Variants in NBEAL2 observed in about 807,000 individuals in gnomAD.
NBEAL2 encodes the protein neurobeachin like 2, also known as neurobeachin-like protein 2.
NBEAL2 carries 160 observed loss-of-function variants against 299.8 expected under a neutral mutation model. The observed-to-expected ratio is 0.53, with a 90% CI of 0.47 to 0.61. The LOEUF (loss-of-function observed/expected upper bound fraction) is 0.61. NBEAL2 is among the 20% of genes least tolerant of loss of function. The pLI, the probability that NBEAL2 is intolerant of heterozygous loss-of-function variation, is 0.00. For synonymous variants in NBEAL2, 1,493 were observed against 1,542.3 expected (o/e 0.97, Z 0.75); for missense variants, 3,112 against 3,649.0 (o/e 0.85, Z 3.79).
intron 12 of NBEAL2, among the ~76,000 whole-genome samples, chr3:46,994,827 G>A (rs560223044): frequency 6.6e-6 from 1 of 152,304 alleles, no homozygotes; most frequent in African/African-American, 2.4e-5. Context: ...TAAGGTTGAG[G>A]GATTAACAAT....
intron 33 of NBEAL2, 39 bp downstream of exon 33, chr3:47,002,841 G>C (rs1269822755): frequency 6.5e-7 from 1 of 1,547,706 alleles, no homozygotes; most frequent in Non-Finnish European, 8.7e-7. Context: ...TGGAGGGGTG[G>C]GGCTTGGGAG....
chr3:47,002,491 G>A lies in NBEAL2; in HGVS notation c.5272G>A (p.Glu1758Lys), dbSNP rs1373784484. Residue 1758 changes from glutamate to lysine, a missense_variant, in exon 32 of 54, where the codon GAG (glutamate) becomes AAG (lysine). Glu to Lys is a moderately conservative substitution (Grantham distance 56, BLOSUM62 1). This residue lies in a region of NBEAL2 where 2,243 missense variants were observed against 2,538.1 expected (regional missense o/e 0.88). Transcript: ENST00000450053. ...GAGCAGTGGGCAGCGGCGCCAGTGG[G>A]AGCGCGCCCAGAGTCGTCGGGCCTT... ...LMSSGQRRQW[E>K]RAQSRRAFQE... 1 of 1,612,852 alleles carries A rather than the reference G, an allele frequency of 6.2e-7. No homozygotes were observed. The highest frequency in any genetic ancestry group is 8.5e-7 in the Non-Finnish European group (1 of 1,179,886).
rs2037230747 is a variant in NBEAL2, at chr3:47,004,030, G to A, written c.5882-47G>A. 1 of 1,606,272 alleles carries A rather than the reference G, an allele frequency of 6.2e-7. No individual in the cohort carries two copies. Among genetic ancestry groups the A allele is most frequent in the African/African-American group, 1.3e-5 (1 of 74,770 alleles). ...ATGGCAGGGAATGGCTGAGCTCTGG[G>A]TGGGGCTGGGGTGAGTGACTCCCGT... On this transcript the variant is annotated intron_variant, in intron 36 of 53. Transcript: ENST00000450053. This position sits in a 1 kb window ranked among gnomAD's most constrained non-coding sequence, Gnocchi z 5.0.
At position 46,982,460 on chromosome 3, in the gene NBEAL2, G is replaced by A. The variant is rs576347521; in HGVS notation, c.51+2548G>A. Among the ~76,000 whole-genome samples the A allele has an allele frequency of 1.4e-4, 22 of 152,260 alleles. No individual in the cohort carries two copies. Among genetic ancestry groups the A allele is most frequent in the African/African-American group, 4.6e-4 (19 of 41,534 alleles). On this transcript the variant is annotated intron_variant, in intron 1 of 53. Coordinates refer to ENST00000450053, the MANE Select transcript of NBEAL2 (RefSeq NM_015175.3). This position sits in a 1 kb window ranked among gnomAD's most constrained non-coding sequence, Gnocchi z 4.2. ...CCCACCCCCTCCCCCTGGGGGCCCGGCTCAACTGGGGGCCTCATAGTGAGG... is the reference window on the plus strand; with the variant it reads ...CCCACCCCCTCCCCCTGGGGGCCCGACTCAACTGGGGGCCTCATAGTGAGG...
rs534264261 is a variant in NBEAL2, at chr3:47,007,813, C to T, written c.7508-3C>T. 5 of 1,612,960 alleles carry T rather than the reference C, an allele frequency of 3.1e-6. No individual in the cohort carries two copies. Among genetic ancestry groups the T allele is most frequent in the East Asian group, 2.2e-5 (1 of 44,878 alleles). ...CTGCCTGTACCCTCCCCTTCCCATGCAGATGTAGTAACCTGCCTTGCACTG... is the reference window on the plus strand; with the variant it reads ...CTGCCTGTACCCTCCCCTTCCCATGTAGATGTAGTAACCTGCCTTGCACTG... On this transcript the variant is annotated splice_region_variant and splice_polypyrimidine_tract_variant and intron_variant, in intron 48 of 53. Transcript: ENST00000450053.
Position 47,009,408 on chromosome 3 carries a change from TG to T in NBEAL2, c.*91del. 8.0e-7 allele frequency: 1 copy of T among 1,256,892 alleles called. No homozygotes were observed. The allele number at this position is 1,256,892 out of a possible 1,614,324, so 77.9% of individuals were successfully genotyped here. On this transcript the variant is annotated 3_prime_UTR_variant, in exon 54 of 54. Coordinates refer to ENST00000450053, the MANE Select transcript of NBEAL2 (RefSeq NM_015175.3). The stretch of plus-strand genomic sequence containing the variant: ...AGAAGTCGGCGGGAACACCCCGGGG[TG>T]GGCAGCCCAGGGGGGTGAGCGGGGC...
At position 46,989,507 on chromosome 3, in the gene NBEAL2, C is replaced by A. The variant is rs375726193; in HGVS notation, c.474-4C>A. 5.2e-5 allele frequency: 82 copies of A among 1,587,738 alleles called. No individual in the cohort carries two copies. The African/African-American group carries it at 9.6e-4, about 19-fold the overall frequency. On this transcript the variant is annotated splice_region_variant and splice_polypyrimidine_tract_variant and intron_variant, in intron 5 of 53. Coordinates refer to ENST00000450053, the MANE Select transcript of NBEAL2 (RefSeq NM_015175.3). This position sits in a 1 kb window ranked among gnomAD's most constrained non-coding sequence, Gnocchi z 5.5. The stretch of plus-strand genomic sequence containing the variant: ...GCTGATGTACTTGGCCTCACTGCCC[C>A]CAGGGAAGTCATCAGCTCCAAGGAG...
At chr3:46,994,069 AC>A in intron 11 of NBEAL2, 49 bp downstream of exon 11, 1 of 1,531,608 alleles carries the variant, frequency 6.5e-7, no homozygotes, top group Non-Finnish European at 8.9e-7. Context: ...GTGGAGTTCA[AC>A]TGACCATATC....
In NBEAL2 at chr3:46,991,738, G is replaced by A; in HGVS notation, c.925+50G>A. 6.4e-7 allele frequency: 1 copy of A among 1,573,078 alleles called. No homozygotes were observed. The highest frequency in any genetic ancestry group is 8.6e-7 in the Non-Finnish European group (1 of 1,160,964). ...GGGGAAGGGGCACCATGAGGGAAAA[G>A]CCTAAGTGATGATGGAAGGTCTGGA... On this transcript the variant is annotated intron_variant, in intron 8 of 53. Transcript: ENST00000450053. This position sits in a 1 kb window ranked among gnomAD's most constrained non-coding sequence, Gnocchi z 6.2.
In NBEAL2 at chr3:46,988,181, G is replaced by T; in HGVS notation, c.52-488G>T. ...TGTCTAATGGTACACGTGTGTCCTGGGATCCACAGTTAAAGAAGGCTACTG... is the reference window on the plus strand; with the variant it reads ...TGTCTAATGGTACACGTGTGTCCTGTGATCCACAGTTAAAGAAGGCTACTG... On this transcript the variant is annotated intron_variant, in intron 1 of 53. Coordinates refer to ENST00000450053, the MANE Select transcript of NBEAL2 (RefSeq NM_015175.3). The surrounding 1 kb of genome is among the most constrained non-coding windows in gnomAD (Gnocchi z 4.4). 2 of 827,754 alleles carry T rather than the reference G, an allele frequency of 2.4e-6. No individual in the cohort carries two copies. Among genetic ancestry groups the T allele is most frequent in the South Asian group, 3.7e-5 (2 of 54,134 alleles). 51.3% of individuals were successfully genotyped at this position (827,754 alleles called of 1,614,324 possible).
intron 9 of NBEAL2, among the ~76,000 whole-genome samples, chr3:46,992,168 C>G (rs369274841): frequency 1.3e-5 from 2 of 152,126 alleles, no homozygotes; most frequent in East Asian, 3.9e-4. Flanking sequence ...CATCTTTGTG[C>G]CCCATGGAAG....
chr3:47,000,075 G>C lies in NBEAL2; in HGVS notation c.3976G>C (p.Ala1326Pro), dbSNP rs2036852288. The C allele has an allele frequency of 6.2e-7, 1 of 1,613,206 alleles. No individual in the cohort carries two copies. ...ACCCAAGCCACCCACTGAGTCACCT[G>C]CTGAGCCTTCAGATGTCTTCCTGCC... ...APPKPPTESP[A>P]EPSDVFLPSE... The change falls in exon 27 of 54, where the codon GCT (alanine) becomes CCT (proline). Residue 1326 changes from alanine to proline, a missense_variant. Coordinates refer to ENST00000450053, the MANE Select transcript of NBEAL2 (RefSeq NM_015175.3). The surrounding 1 kb of genome is among the most constrained non-coding windows in gnomAD (Gnocchi z 4.5).
rs1318534559 is a variant in NBEAL2, at chr3:46,998,872, ACGGT to A, written c.3379_3382del (p.Gly1127ArgfsTer39). On this transcript the variant is annotated frameshift_variant, in exon 23 of 54. Transcript: ENST00000450053. LOFTEE classifies it high-confidence loss of function. ...AGCTTTTTGGCGGCCACAGGCGATG[ACGGT>A]CAGGTAGGCTGGAGGTTGGGGAGCG... is the stretch of plus-strand genomic sequence containing the variant. 6.3e-7 allele frequency: 1 copy of A among 1,591,858 alleles called. No homozygotes were observed. The highest frequency in any genetic ancestry group is 1.3e-5 in the African/African-American group (1 of 74,578).
At position 47,008,189 on chromosome 3, in the gene NBEAL2, G is replaced by C; in HGVS notation, c.7719+3G>C. On this transcript the variant is annotated splice_donor_region_variant and intron_variant, in intron 50 of 53. Coordinates refer to ENST00000450053, the MANE Select transcript of NBEAL2 (RefSeq NM_015175.3). ...ACATGGCTGTGTCTGGATCTGAGGT[G>C]TGTGTATGCATGTGCCCTGGGGAGG... 6.2e-7 allele frequency: 1 copy of C among 1,613,970 alleles called. No homozygotes were observed. The highest frequency in any genetic ancestry group is 8.5e-7 in the Non-Finnish European group (1 of 1,179,866).
chr3:47,004,328 C>G lies in NBEAL2; in HGVS notation c.6133C>G (p.Pro2045Ala). The change falls in exon 37 of 54, where the codon CCC becomes GCC. Residue 2045 changes from proline (P) to alanine (A), a missense_variant. Pro to Ala is a conservative substitution (Grantham distance 27). Around this residue, in one of 3 missense-constraint regions of NBEAL2, gnomAD observed 521 missense variants for 729.6 expected, o/e 0.71. Coordinates refer to ENST00000450053, the MANE Select transcript of NBEAL2 (RefSeq NM_015175.3). The surrounding 1 kb of genome is among the most constrained non-coding windows in gnomAD (Gnocchi z 5.0). ...VYSWLLRLRPPSQGYLSSRSP... is the reference protein window; with the variant it reads ...VYSWLLRLRPASQGYLSSRSP... Reference sequence around the variant, plus strand: ...CTCGTGGCTCCTGCGCCTACGGCCCCCCTCTCAAGGCTACCTAAGCAGCCG... The same window carrying G: ...CTCGTGGCTCCTGCGCCTACGGCCCGCCTCTCAAGGCTACCTAAGCAGCCG... The G allele has an allele frequency of 6.2e-7, 1 of 1,610,558 alleles. No individual in the cohort carries two copies. Among genetic ancestry groups the G allele is most frequent in the Non-Finnish European group, 8.5e-7 (1 of 1,177,734 alleles).
Position 47,009,260 on chromosome 3 carries a change from G to T in NBEAL2, c.8205G>T (p.Ser2735=), listed in dbSNP as rs373066289. The change falls in exon 54 of 54, where the codon TCG becomes TCT. Residue 2735 remains serine, a synonymous_variant. Transcript: ENST00000450053. ...SQFARKLWRS[S]RRISQVSSGE... ...TCGCGCGGAAGCTGTGGCGGTCCTC[G>T]CGGCGCATCTCCCAGGTGTCCTCGG... The T allele has an allele frequency of 1.2e-5, 19 of 1,602,122 alleles. No homozygotes were observed. The East Asian group carries it at 2.9e-4, about 25-fold the overall frequency.
intron 1 of NBEAL2, among the ~76,000 whole-genome samples, chr3:46,984,153 A>ACAAC (rs2035540656): frequency 2.1e-5 from 1 of 48,222 alleles, no homozygotes; most frequent in African/African-American, 5.7e-5. Context: ...AAAAAAAAAA[A>ACAAC]AAATTAGCCA....
In NBEAL2 at chr3:46,980,446, C is replaced by A. The variant is rs531577801; in HGVS notation, c.51+534C>A. Among the ~76,000 whole-genome samples the A allele has an allele frequency of 3.3e-5, 5 of 152,234 alleles. No individual in the cohort carries two copies. The South Asian group carries it at 1.0e-3, about 32-fold the overall frequency. On this transcript the variant is annotated intron_variant, in intron 1 of 53. Transcript: ENST00000450053. ...AGGTCCTTCTTGAGTTGCATCCCCC[C>A]ACACCCCAGCGAACAGGCTGTGATA...
chr3:47,008,601 AC>A lies in NBEAL2; in HGVS notation c.7961del (p.Thr2654ArgfsTer2). On this transcript the variant is annotated frameshift_variant, in exon 52 of 54. Transcript: ENST00000450053. LOFTEE classifies it high-confidence loss of function. ...LPLAEQPTALTVTEDFVLLGT... is the reference protein window; with the variant it reads ...LPLAEQPTALXVTEDFVLLGT... ...CCTGGCAGAGCAGCCTACAGCCCTG[AC>A]GGTGACAGAGGACTTTGTGTTGCTG... The A allele has an allele frequency of 6.2e-7, 1 of 1,613,618 alleles. No homozygotes were observed. The highest frequency in any genetic ancestry group is 1.7e-5 in the Admixed American group (1 of 60,018).
Sources: gnomAD v4.1 joint callset for allele counts (sites outside exome capture counted in the v4.1 genomes callset) on GRCh38, gnomAD v4.1.1 for gene constraint, gnomAD v4.1.1 regional missense constraint, Gnocchi (gnomAD v3.1) non-coding constraint, MANE v1.5 for transcripts, NCBI Gene and HGNC (gene_info 2026-07-23, HGNC 2026-07-21) for gene names.